Variants in SEZ6L observed in about 807,000 individuals in gnomAD.
The protein encoded by SEZ6L is seizure 6-like protein.
A neutral mutation model predicts 106.2 loss-of-function variants in SEZ6L; 37 were observed. The observed-to-expected ratio is 0.35, with a 90% CI of 0.27 to 0.46. The LOEUF (loss-of-function observed/expected upper bound fraction) is 0.46, where lower values mean the gene tolerates loss of function less well. SEZ6L is among the 20% of genes least tolerant of loss of function. The pLI, the probability that SEZ6L is intolerant of heterozygous loss-of-function variation, is 1.00. For synonymous variants in SEZ6L, 541 were observed against 570.4 expected, an observed-to-expected ratio of 0.95 and a Z score of 0.73; for missense variants, 1,172 against 1,332.8, an observed-to-expected ratio of 0.88 and a Z score of 1.88.
At chr22:26,319,223 C>T (rs180881411) in intron 9 of SEZ6L, among the ~76,000 whole-genome samples, 1 of 152,316 alleles carries the variant, frequency 6.6e-6, no homozygotes, top group Non-Finnish European at 1.5e-5. Context: ...GCAGTTCTGA[C>T]ACCTCCACTG....
In SEZ6L at chr22:26,211,804, TAAAA is replaced by T. The variant is rs56124325; in HGVS notation, c.94+42063_94+42066del. On this transcript the variant is annotated intron_variant, in intron 1 of 16. Transcript: ENST00000248933. ...GGGCAACATAGCCAGACCTCGTCTC[TAAAA>T]AAAAAAAAAAAAAAAAAAAAATTTA... is the stretch of plus-strand genomic sequence containing the variant. 5.8e-4 allele frequency among the ~76,000 whole-genome samples: 28 copies of T among 48,078 alleles called. No homozygotes were observed. The South Asian group carries it at 6.8e-3, about 12-fold the overall frequency. 31.5% of individuals were successfully genotyped at this position (48,078 alleles called of 152,430 possible).
chr22:26,228,975 T>G (rs191664300), intron 1 of SEZ6L, among the ~76,000 whole-genome samples: 98 of 152,296 alleles, frequency 6.4e-4, no homozygotes, highest in African/African-American at 2.1e-3. Flanking sequence ...TTCATGGATG[T>G]ATGTATGTCA....
At chr22:26,368,982 C>G (rs372702491) in intron 13 of SEZ6L, among the ~76,000 whole-genome samples, 5 of 152,092 alleles carry the variant, frequency 3.3e-5, no homozygotes, top group South Asian at 4.1e-4. Flanking sequence ...AGCCAGTCAC[C>G]GCAGCATGGA....
At chr22:26,177,706 A>C (rs1451259408) in intron 1 of SEZ6L, among the ~76,000 whole-genome samples, 3 of 152,158 alleles carry the variant, frequency 2.0e-5, no homozygotes, top group Non-Finnish European at 2.9e-5. Flanking sequence ...TTGAGCTGGC[A>C]CCGGGCCTTG....
intron 1 of SEZ6L, among the ~76,000 whole-genome samples, chr22:26,243,183 G>T (rs1033177313): frequency 6.6e-6 from 1 of 152,180 alleles, no homozygotes; most frequent in African/African-American, 2.4e-5. Flanking sequence ...TATCTGCAAT[G>T]ACTCAATTTC....
chr22:26,327,136 T>A (rs989636025), intron 9 of SEZ6L, among the ~76,000 whole-genome samples: 1 of 151,966 alleles, frequency 6.6e-6, no homozygotes, highest in Non-Finnish European at 1.5e-5. Flanking sequence ...CTCTGTCAAC[T>A]CTTCCTCCAG....
intron 1 of SEZ6L, among the ~76,000 whole-genome samples, chr22:26,227,912 C>T (rs1454174258): frequency 6.6e-6 from 1 of 152,192 alleles, no homozygotes; most frequent in Non-Finnish European, 1.5e-5. Context: ...ACTCACAATG[C>T]CCATCTGTAA....
At chr22:26,367,805 C>T (rs954077561) in intron 13 of SEZ6L, among the ~76,000 whole-genome samples, 15 of 152,144 alleles carry the variant, frequency 9.9e-5, no homozygotes, top group Admixed American at 6.5e-4. Context: ...CTTAACGCCC[C>T]CAGTTTGTGC....
chr22:26,171,694 T>A lies in SEZ6L; in HGVS notation c.94+1931T>A, dbSNP rs534712418. 1.4e-3 allele frequency among the ~76,000 whole-genome samples: 217 copies of A among 152,348 alleles called. 1 individual carries two copies. The South Asian group carries it at 0.018, about 13-fold the overall frequency. ...CACCATGGCTAGCCAGCATATTTTT[T>A]AAATTGACTTCAGGTCACCACCAAA... On this transcript the variant is annotated intron_variant, in intron 1 of 16. Transcript: ENST00000248933.
intron 12 of SEZ6L, among the ~76,000 whole-genome samples, chr22:26,352,853 G>T (rs2083324808): frequency 6.6e-6 from 1 of 152,140 alleles, no homozygotes; most frequent in South Asian, 2.1e-4. Flanking sequence ...CTTCCTCTCT[G>T]CTCTATTCAT....
rs900860496 is a variant in SEZ6L at position 26,284,703 on chromosome 22, A to C, written c.95-7703A>C. Among the ~76,000 whole-genome samples, 5 of 151,884 alleles carry C rather than the reference A, an allele frequency of 3.3e-5. 1 individual carries two copies. Among genetic ancestry groups the C allele is most frequent in the Admixed American group, 3.3e-4 (5 of 15,250 alleles). On this transcript the variant is annotated intron_variant, in intron 1 of 16. Transcript: ENST00000248933. ...GTAGAAAGCAGGATTGGTGAACAGA[A>C]CGTAGGAGAGAAGTGCTTGTACTTT...
At chr22:26,286,619 T>G (rs4993055) in intron 1 of SEZ6L, among the ~76,000 whole-genome samples, 24,344 of 152,160 alleles carry the variant, frequency 0.16, 2,599 homozygotes, top group Non-Finnish European at 0.24. Flanking sequence ...CTCTCGTTTC[T>G]TCACTCACAT....
At chr22:26,301,325 G>A (rs1432894261) in intron 5 of SEZ6L, among the ~76,000 whole-genome samples, 1 of 152,222 alleles carries the variant, frequency 6.6e-6, no homozygotes, top group African/African-American at 2.4e-5. Flanking sequence ...TTCCTATCTA[G>A]GTACTCATTC....
chr22:26,348,515 AAG>A (rs1569473184), intron 11 of SEZ6L, among the ~76,000 whole-genome samples: 1 of 16,348 alleles, frequency 6.1e-5, no homozygotes, highest in African/African-American at 2.2e-4. Flanking sequence ...GGAGAGAGAG[AAG>A]GAAGGAAGGA....
intron 1 of SEZ6L, among the ~76,000 whole-genome samples, chr22:26,234,674 A>G (rs2078903977): frequency 6.6e-6 from 1 of 152,258 alleles, no homozygotes; most frequent in Admixed American, 6.5e-5. Context: ...GATAGCCACA[A>G]TAGGCCTATT....
chr22:26,354,332 T>C (rs1420003542), intron 12 of SEZ6L, among the ~76,000 whole-genome samples: 1 of 151,858 alleles, frequency 6.6e-6, no homozygotes, highest in Middle Eastern at 3.2e-3. Context: ...GGCCACAGGG[T>C]GACAGAGGGA....
intron 1 of SEZ6L, among the ~76,000 whole-genome samples, chr22:26,173,961 G>C (rs1938800937): frequency 6.6e-6 from 1 of 152,162 alleles, no homozygotes; most frequent in Non-Finnish European, 1.5e-5. Flanking sequence ...TGGTGATAAG[G>C]CCATCAACGT....
chr22:26,297,467 G>C (rs192772629), intron 4 of SEZ6L, among the ~76,000 whole-genome samples: 1 of 152,102 alleles, frequency 6.6e-6, no homozygotes, highest in Non-Finnish European at 1.5e-5. Context: ...AAAGTCACAG[G>C]TTCTACTACA....
chr22:26,348,549 G>GGAAA (rs2083089150), intron 11 of SEZ6L, among the ~76,000 whole-genome samples: 1 of 66,126 alleles, frequency 1.5e-5, no homozygotes, highest in African/African-American at 6.8e-5. Context: ...AAGGAAGGAA[G>GGAAA]GAAGGAAGGA....
Sources: allele counts gnomAD v4.1 joint callset (sites outside exome capture counted in the v4.1 genomes callset), GRCh38; gene constraint gnomAD v4.1.1; transcripts MANE v1.5; gene names NCBI Gene and HGNC (gene_info 2026-07-23, HGNC 2026-07-21).